Variants in PCDHGB3 observed in about 807,000 individuals in gnomAD.
PCDHGB3 encodes protocadherin gamma-B3.
PCDHGB3 carries 40 observed loss-of-function variants against 59.2 expected under a neutral mutation model. The ratio of observed to expected loss-of-function variants is 0.68; its 90% CI spans 0.52 to 0.88. The LOEUF (loss-of-function observed/expected upper bound fraction) is 0.88, where lower values mean the gene tolerates loss of function less well. PCDHGB3 is among the 40% of genes least tolerant of loss of function. The pLI is 0.00. For missense variants in PCDHGB3, 1,309 were observed against 1,187.9 expected, an observed-to-expected ratio of 1.10 and a Z score of -1.50; for synonymous variants, 581 against 503.6, an observed-to-expected ratio of 1.15 and a Z score of -2.06.
At chr5:141,470,038 A>C (rs1256439782) in intron 1 of PCDHGB3, among the ~76,000 whole-genome samples, 1 of 152,204 alleles carries the variant, frequency 6.6e-6, no homozygotes, top group Non-Finnish European at 1.5e-5. Flanking sequence ...CTGAGGCGCG[A>C]GAACTGTTTG....
At chr5:141,478,287 G>C (rs777542913) in intron 1 of PCDHGB3, 1 of 1,614,154 alleles carries the variant, frequency 6.2e-7, no homozygotes, top group South Asian at 1.1e-5. Context: ...AAGCAGTCTA[G>C]AGACCTATAC....
At chr5:141,462,387 A>G (rs781355919) in intron 1 of PCDHGB3, among the ~76,000 whole-genome samples, 13 of 152,178 alleles carry the variant, frequency 8.5e-5, no homozygotes, top group Non-Finnish European at 1.3e-4. Context: ...AAATTCGTTA[A>G]CATTTCTTTT....
At chr5:141,456,224 A>ACT (rs1167290500) in intron 1 of PCDHGB3, among the ~76,000 whole-genome samples, 1 of 152,034 alleles carries the variant, frequency 6.6e-6, no homozygotes, top group Non-Finnish European at 1.5e-5. Context: ...GCGATATCAA[A>ACT]CTAACTGCTG....
chr5:141,434,026 A>G (rs2154556044), intron 1 of PCDHGB3, among the ~76,000 whole-genome samples: 1 of 152,236 alleles, frequency 6.6e-6, no homozygotes, highest in Admixed American at 6.5e-5. Flanking sequence ...TGATTCTGGA[A>G]GCATGGTTTT....
At chr5:141,405,499 A>C in intron 1 of PCDHGB3, 9 of 782,122 alleles carry the variant, frequency 1.2e-5, no homozygotes, top group Non-Finnish European at 1.8e-5. Context: ...GGCTCATTGC[A>C]ACCTCCGCCT....
intron 1 of PCDHGB3, among the ~76,000 whole-genome samples, chr5:141,434,490 G>A (rs566645029): frequency 2.5e-4 from 38 of 152,274 alleles, no homozygotes; most frequent in Non-Finnish European, 4.9e-4. Flanking sequence ...CACCTGGCCC[G>A]CCCAGGGCAG....
At chr5:141,422,950 G>A (rs1388735971) in intron 1 of PCDHGB3, 2 of 1,614,230 alleles carry the variant, frequency 1.2e-6, no homozygotes, top group South Asian at 1.1e-5. Flanking sequence ...CGGCTCCACT[G>A]GCGTGGAGCT....
At chr5:141,441,793 C>T (rs961624726) in intron 1 of PCDHGB3, 7 of 391,390 alleles carry the variant, frequency 1.8e-5, no homozygotes, top group Non-Finnish European at 3.6e-5. Flanking sequence ...AATGACAACG[C>T]ACCGCGGGTG....
chr5:141,421,272 G>A, intron 1 of PCDHGB3: 1 of 1,612,340 alleles, frequency 6.2e-7, no homozygotes, highest in Non-Finnish European at 8.5e-7. Context: ...GGCTGCTGCT[G>A]CTGCTGTGCA....
chr5:141,404,875 C>T, intron 1 of PCDHGB3: 1 of 1,613,904 alleles, frequency 6.2e-7, no homozygotes, highest in Non-Finnish European at 8.5e-7. Flanking sequence ...TCAAACAGAG[C>T]CTTGTGGTGG....
chr5:141,447,428 G>C (rs542079336), intron 1 of PCDHGB3, among the ~76,000 whole-genome samples: 1 of 152,184 alleles, frequency 6.6e-6, no homozygotes, highest in African/African-American at 2.4e-5. Flanking sequence ...GTGAGCCACC[G>C]CACCCGGAGG....
At chr5:141,384,798 G>A in intron 1 of PCDHGB3, 3 of 1,613,448 alleles carry the variant, frequency 1.9e-6, no homozygotes, top group Non-Finnish European at 2.5e-6. Flanking sequence ...GGGCCCTGCT[G>A]GACAGAGATG....
Position 141,405,152 on chromosome 5 carries a change from G to T in PCDHGB3, c.2415+32343G>T, listed in dbSNP as rs550773622. Reference sequence around the variant, plus strand: ...GCGGGCTACCAGTGATGGGTTGGCTGGTGTGCCCACCTCACACTTTGTGGG... The same window carrying T: ...GCGGGCTACCAGTGATGGGTTGGCTTGTGTGCCCACCTCACACTTTGTGGG... On this transcript the variant is annotated intron_variant, in intron 1 of 3. Transcript: ENST00000576222. 180 of 1,613,896 alleles carry T rather than the reference G, an allele frequency of 1.1e-4. 1 individual carries two copies. In the South Asian group the frequency reaches 1.9e-3, roughly 17 times the overall value.
At chr5:141,374,231 A>T (rs1335997807) in intron 1 of PCDHGB3, 1 of 1,613,834 alleles carries the variant, frequency 6.2e-7, no homozygotes, top group East Asian at 2.2e-5. Flanking sequence ...CAACATCGTC[A>T]AGGATCTGGG....
At chr5:141,385,300 A>G (rs1781097976) in intron 1 of PCDHGB3, 2 of 1,613,102 alleles carry the variant, frequency 1.2e-6, no homozygotes, top group Non-Finnish European at 8.5e-7. Flanking sequence ...TCAGGAATGT[A>G]AAGAAAACCT....
rs747437039 is a variant in PCDHGB3 at position 141,413,919 on chromosome 5, G to T, written c.2415+41110G>T. The T allele has an allele frequency of 1.2e-5, 19 of 1,613,284 alleles. 1 individual carries two copies. The highest frequency in any genetic ancestry group is 1.6e-5 in the Non-Finnish European group (19 of 1,179,890). ...ATGACAACGCGCCGGTCTTCACCTT[G>T]CCAGAATACCGAGTGAGTGTTCCTG... On this transcript the variant is annotated intron_variant, in intron 1 of 3. Transcript: ENST00000576222.
intron 2 of PCDHGB3, among the ~76,000 whole-genome samples, chr5:141,501,301 ACAC>A (rs1380901086): frequency 6.6e-6 from 1 of 150,882 alleles, no homozygotes; most frequent in African/African-American, 2.4e-5. Context: ...ACACACACAC[ACAC>A]ACACACACAC....
intron 1 of PCDHGB3, among the ~76,000 whole-genome samples, chr5:141,488,541 T>C (rs2099676694): frequency 6.6e-6 from 1 of 152,184 alleles, no homozygotes; most frequent in South Asian, 2.1e-4. Flanking sequence ...CTAAGTCCCA[T>C]GTCAGCTGAC....
rs1289898516 is a variant in PCDHGB3 at position 141,487,019 on chromosome 5, C to G, written c.2416-7788C>G. ...CTATCAGCTCCTGGAGGCCCCAGAT[C>G]CCAGCCTGTTTGCAGTCTCTCGATA... On this transcript the variant is annotated intron_variant, in intron 1 of 3. Transcript: ENST00000576222. The surrounding 1 kb of genome is among the most constrained non-coding windows in gnomAD (Gnocchi z 5.0). 1 of 1,614,204 alleles carries G rather than the reference C, an allele frequency of 6.2e-7. No homozygotes were observed. The highest frequency in any genetic ancestry group is 8.5e-7 in the Non-Finnish European group (1 of 1,180,042).
Sources: allele counts gnomAD v4.1 joint callset (sites outside exome capture counted in the v4.1 genomes callset), GRCh38; gene constraint gnomAD v4.1.1; non-coding constraint Gnocchi (gnomAD v3.1); transcripts MANE v1.5; gene names NCBI Gene and HGNC (gene_info 2026-07-23, HGNC 2026-07-21).